ADK: variants seen among roughly 807,000 people sequenced by gnomAD.
ADK encodes the protein N6,N6-dimethyladenosine kinase.
Under a neutral mutation model 44.7 loss-of-function variants are expected in ADK, and 24 were observed. That is an observed-to-expected ratio of 0.54 (90% CI 0.39 to 0.76). The LOEUF (loss-of-function observed/expected upper bound fraction) is 0.76, where lower values mean the gene tolerates loss of function less well. Among genes scored for constraint, ADK ranks in the 30% least tolerant of loss-of-function variants. The pLI, the probability that ADK is intolerant of heterozygous loss-of-function variation, is 0.00. For synonymous variants in ADK, 128 were observed against 142.6 expected (o/e 0.90, Z 0.73); for missense variants, 321 against 425.1 (o/e 0.76, Z 2.15).
intron 1 of ADK, among the ~76,000 whole-genome samples, chr10:74,173,106 T>G (rs1203496736): frequency 6.6e-6 from 1 of 151,886 alleles, no homozygotes; most frequent in Non-Finnish European, 1.5e-5. Flanking sequence ...TTTTTCTTTT[T>G]TTTTGAGATG....
chr10:74,237,674 G>T (rs555365798), intron 3 of ADK, among the ~76,000 whole-genome samples: 2 of 152,288 alleles, frequency 1.3e-5, no homozygotes, highest in African/African-American at 4.8e-5. Context: ...AGACTTGAAA[G>T]TCAAAATTAC....
chr10:74,256,099 A>G (rs930619974), intron 3 of ADK, among the ~76,000 whole-genome samples: 5 of 152,200 alleles, frequency 3.3e-5, no homozygotes, highest in Non-Finnish European at 7.4e-5. Context: ...GAAGCTTTCA[A>G]GTGGAGGTGG....
At chr10:74,284,310 T>C (rs1378298498) in intron 3 of ADK, among the ~76,000 whole-genome samples, 4 of 149,812 alleles carry the variant, frequency 2.7e-5, no homozygotes, top group Non-Finnish European at 5.9e-5. Context: ...TCTTGCTGCC[T>C]AGGCTGTGCA....
At chr10:74,354,205 G>A (rs919112314) in intron 4 of ADK, among the ~76,000 whole-genome samples, 2 of 152,196 alleles carry the variant, frequency 1.3e-5, no homozygotes, top group African/African-American at 4.8e-5. Flanking sequence ...TGTGGAATTA[G>A]TTCTTGTCTG....
chr10:74,411,251 CT>C (rs1163544064), intron 6 of ADK, among the ~76,000 whole-genome samples: 2 of 151,986 alleles, frequency 1.3e-5, no homozygotes, highest in African/African-American at 4.8e-5. Context: ...GTTGTTTGTT[CT>C]ATTTGGAGCT....
chr10:74,158,151 G>C (rs1447802830), intron 1 of ADK, among the ~76,000 whole-genome samples: 1 of 152,092 alleles, frequency 6.6e-6, no homozygotes, highest in Non-Finnish European at 1.5e-5. Flanking sequence ...AAATTTAATA[G>C]TGGGCATCTT....
At chr10:74,236,440 A>G (rs576309252) in intron 3 of ADK, among the ~76,000 whole-genome samples, 1 of 152,348 alleles carries the variant, frequency 6.6e-6, no homozygotes, top group South Asian at 2.1e-4. Flanking sequence ...AGTACTAAAC[A>G]TCTTTATTCT....
chr10:74,248,986 T>C (rs2132328889), intron 3 of ADK, among the ~76,000 whole-genome samples: 1 of 152,330 alleles, frequency 6.6e-6, no homozygotes, highest in East Asian at 1.9e-4. Flanking sequence ...TGGTGTATAT[T>C]TTCTCATTGC....
chr10:74,201,617 AGTGTGTGTGTGTTT>A (rs932347557), intron 2 of ADK, among the ~76,000 whole-genome samples: 21 of 151,638 alleles, frequency 1.4e-4, no homozygotes, highest in East Asian at 5.8e-4. Flanking sequence ...TAGGAAAAAC[AGTGTGTGTGTGTTT>A]GTGTGTGTGT....
chr10:74,395,275 G>T (rs1296456359), intron 5 of ADK, among the ~76,000 whole-genome samples: 8 of 149,988 alleles, frequency 5.3e-5, no homozygotes, highest in African/African-American at 2.0e-4. Flanking sequence ...TCTCCACCAC[G>T]ACCTTGCTCC....
intron 3 of ADK, among the ~76,000 whole-genome samples, chr10:74,284,243 A>G (rs1249522468): frequency 6.7e-6 from 1 of 148,990 alleles, no homozygotes. Context: ...TACAGGCATG[A>G]GCCACCACGC....
At position 74,239,169 on chromosome 10, in the gene ADK, A is replaced by AT. The variant is rs200272161; in HGVS notation, c.194+14588dup. ...TTTCTTTTTTCTCCTGCAGTTACTT[A>AT]TTTTTTTTTTCTTTTTGCTTTAAGG... On this transcript the variant is annotated intron_variant, in intron 3 of 10. Transcript: ENST00000539909. Among the ~76,000 whole-genome samples the AT allele has an allele frequency of 7.6e-3, 1,128 of 147,774 alleles. 8 individuals carry two copies. Among genetic ancestry groups the AT allele is most frequent in the African/African-American group, 0.013 (509 of 40,204 alleles).
intron 7 of ADK, among the ~76,000 whole-genome samples, chr10:74,568,510 A>G (rs1850782365): frequency 6.6e-6 from 1 of 152,204 alleles, no homozygotes. Context: ...TGCACAAGAA[A>G]GAATTCAGGG....
intron 6 of ADK, among the ~76,000 whole-genome samples, chr10:74,498,407 G>A (rs983721753): frequency 1.3e-5 from 2 of 152,170 alleles, no homozygotes; most frequent in African/African-American, 4.8e-5. Context: ...TTTACAGAAA[G>A]TAAAACCATA....
At chr10:74,374,889 T>A (rs1842771490) in intron 4 of ADK, among the ~76,000 whole-genome samples, 1 of 152,182 alleles carries the variant, frequency 6.6e-6, no homozygotes, top group Non-Finnish European at 1.5e-5. Context: ...TATTCCTTGG[T>A]GCTTTCCAAG....
intron 6 of ADK, among the ~76,000 whole-genome samples, chr10:74,426,043 A>G (rs1434591200): frequency 3.9e-5 from 6 of 152,212 alleles, no homozygotes; most frequent in Admixed American, 3.9e-4. Context: ...AGAAAAGTAC[A>G]GAGAATATTA....
chr10:74,172,082 T>A (rs1842174960), intron 1 of ADK, among the ~76,000 whole-genome samples: 1 of 152,096 alleles, frequency 6.6e-6, no homozygotes, highest in South Asian at 2.1e-4. Context: ...TTTTGAAAAT[T>A]TTTTTGACCA....
chr10:74,599,102 T>C (rs1402501969), intron 8 of ADK, among the ~76,000 whole-genome samples: 1 of 152,202 alleles, frequency 6.6e-6, no homozygotes, highest in Admixed American at 6.5e-5. Context: ...CTTATCAGAG[T>C]TCAGACTTAG....
intron 6 of ADK, among the ~76,000 whole-genome samples, chr10:74,493,016 G>A (rs1332570709): frequency 6.6e-6 from 1 of 152,058 alleles, no homozygotes; most frequent in Non-Finnish European, 1.5e-5. Flanking sequence ...TATTACTATG[G>A]AGATTGCCAA....
Sources: gnomAD v4.1 joint callset for allele counts (sites outside exome capture counted in the v4.1 genomes callset) on GRCh38, gnomAD v4.1.1 for gene constraint, MANE v1.5 for transcripts, NCBI Gene and HGNC (gene_info 2026-07-23, HGNC 2026-07-21) for gene names.